UBE2E3: variants seen among roughly 807,000 people sequenced by gnomAD.
The protein encoded by UBE2E3 is ubiquitin-conjugating enzyme E2 E3.
UBE2E3 carries 5 observed loss-of-function variants against 23.6 expected under a neutral mutation model. The observed-to-expected ratio is 0.21, with a 90% CI of 0.11 to 0.44. The LOEUF (loss-of-function observed/expected upper bound fraction) is 0.44. UBE2E3 is among the 20% of genes least tolerant of loss of function. The probability of loss-of-function intolerance (pLI) is 0.99; values close to 1 mark genes in which losing one functional copy is unlikely to be tolerated. For missense variants in UBE2E3, 81 were observed against 249.8 expected, an observed-to-expected ratio of 0.32 and a Z score of 4.55; for synonymous variants, 78 against 87.5, an observed-to-expected ratio of 0.89 and a Z score of 0.60.
At chr2:181,009,525 GGCTTTATTTATACTA>G (rs1243899864) in intron 3 of UBE2E3, among the ~76,000 whole-genome samples, 9 of 90,002 alleles carry the variant, frequency 1.0e-4, no homozygotes, top group African/African-American at 3.1e-4. Flanking sequence ...ATTTATACTA[GGCTTTATTTATACTA>G]GGCTTTATTA....
intron 3 of UBE2E3, among the ~76,000 whole-genome samples, chr2:180,994,041 A>G (rs1242449157): frequency 1.3e-5 from 2 of 152,188 alleles, no homozygotes; most frequent in Non-Finnish European, 2.9e-5. Flanking sequence ...TGTAATTTAT[A>G]TGGAATTCAA....
chr2:180,997,003 C>G (rs1684840666), intron 3 of UBE2E3, among the ~76,000 whole-genome samples: 2 of 151,932 alleles, frequency 1.3e-5, no homozygotes, highest in Admixed American at 6.6e-5. Context: ...ATATGTGACT[C>G]TGTGTATCCC....
chr2:181,002,111 T>C (rs1222211735), intron 3 of UBE2E3, among the ~76,000 whole-genome samples: 2 of 152,156 alleles, frequency 1.3e-5, no homozygotes, highest in East Asian at 3.9e-4. Context: ...ACCTAGCATT[T>C]GCTGGCAAAT....
intron 3 of UBE2E3, among the ~76,000 whole-genome samples, chr2:181,016,573 C>G (rs1685498245): frequency 6.6e-6 from 1 of 152,122 alleles, no homozygotes; most frequent in African/African-American, 2.4e-5. Context: ...TGACAATTAC[C>G]TGGCTTATAA....
At chr2:181,018,188 AAC>A (rs973320900) in intron 3 of UBE2E3, among the ~76,000 whole-genome samples, 73 of 152,180 alleles carry the variant, frequency 4.8e-4, no homozygotes, top group African/African-American at 1.6e-3. Flanking sequence ...GTATAATAAA[AAC>A]AGTTATACTC....
At chr2:180,999,438 C>T (rs1422299838) in intron 3 of UBE2E3, among the ~76,000 whole-genome samples, 1 of 152,092 alleles carries the variant, frequency 6.6e-6, no homozygotes, top group East Asian at 1.9e-4. Flanking sequence ...GGTTTTATTT[C>T]TTCACTGTAT....
intron 3 of UBE2E3, among the ~76,000 whole-genome samples, chr2:181,055,076 A>G (rs1450712688): frequency 1.3e-5 from 2 of 151,678 alleles, no homozygotes; most frequent in South Asian, 2.1e-4. Flanking sequence ...GTGACTTTGG[A>G]TAAGAGCTGT....
chr2:181,049,475 T>C (rs928179072), intron 3 of UBE2E3, among the ~76,000 whole-genome samples: 11 of 152,098 alleles, frequency 7.2e-5, no homozygotes, highest in African/African-American at 2.7e-4. Context: ...TTTATATAAG[T>C]GTACAGTACT....
intron 3 of UBE2E3, among the ~76,000 whole-genome samples, chr2:180,992,034 A>G (rs910710218): frequency 1.3e-5 from 2 of 152,002 alleles, no homozygotes; most frequent in African/African-American, 2.4e-5. Flanking sequence ...ATTACTTACT[A>G]CTCATGATGA....
At chr2:181,049,084 G>T (rs1340084564) in intron 3 of UBE2E3, among the ~76,000 whole-genome samples, 2 of 152,058 alleles carry the variant, frequency 1.3e-5, no homozygotes, top group African/African-American at 4.8e-5. Context: ...TCAGCTGAGG[G>T]AGTAAAGAAG....
At chr2:181,026,131 G>A (rs75937759) in intron 3 of UBE2E3, among the ~76,000 whole-genome samples, 2 of 151,798 alleles carry the variant, frequency 1.3e-5, no homozygotes, top group East Asian at 3.8e-4. Flanking sequence ...TACTTAAATA[G>A]TTTTAAACAG....
At chr2:181,010,244 A>G (rs1685279460) in intron 3 of UBE2E3, among the ~76,000 whole-genome samples, 1 of 152,164 alleles carries the variant, frequency 6.6e-6, no homozygotes, top group Non-Finnish European at 1.5e-5. Context: ...ATTCAGATAA[A>G]TCAGTAGGCT....
chr2:180,997,759 G>T (rs1383952762), intron 3 of UBE2E3, among the ~76,000 whole-genome samples: 1 of 151,958 alleles, frequency 6.6e-6, no homozygotes, highest in Non-Finnish European at 1.5e-5. Context: ...GTAAAAGTTG[G>T]GTTTTCTAGA....
intron 3 of UBE2E3, chr2:180,987,352 C>A (rs1293915070): frequency 1.3e-6 from 2 of 1,549,918 alleles, no homozygotes; most frequent in East Asian, 2.4e-5. Context: ...TGTCCTTGTC[C>A]TCTCCTAGTC....
At chr2:180,989,624 A>G (rs532493695) in intron 3 of UBE2E3, among the ~76,000 whole-genome samples, 1 of 152,294 alleles carries the variant, frequency 6.6e-6, no homozygotes, top group East Asian at 1.9e-4. Context: ...GACTGGAAAC[A>G]TTTTCCAAAA....
At chr2:181,043,981 C>T (rs1193145904) in intron 3 of UBE2E3, among the ~76,000 whole-genome samples, 3 of 152,238 alleles carry the variant, frequency 2.0e-5, no homozygotes, top group Non-Finnish European at 1.5e-5. Flanking sequence ...CCTTCTTTTA[C>T]AAAAACTTTT....
At chr2:180,989,352 A>C (rs1314316550) in intron 3 of UBE2E3, among the ~76,000 whole-genome samples, 1 of 152,160 alleles carries the variant, frequency 6.6e-6, no homozygotes, top group African/African-American at 2.4e-5. Flanking sequence ...TTGCATGTGA[A>C]GGTCTGTTAA....
intron 2 of UBE2E3, among the ~76,000 whole-genome samples, chr2:180,983,023 A>G (rs896369658): frequency 3.3e-5 from 5 of 152,206 alleles, no homozygotes; most frequent in South Asian, 4.1e-4. Flanking sequence ...ATGGAGAAAA[A>G]AAGATTCTGT....
At chr2:181,006,218 C>G (rs1192440402) in intron 3 of UBE2E3, among the ~76,000 whole-genome samples, 1 of 152,056 alleles carries the variant, frequency 6.6e-6, no homozygotes, top group African/African-American at 2.4e-5. Flanking sequence ...TAGAATTGAG[C>G]ACAAATAGTA....
Sources: allele counts gnomAD v4.1 joint callset (sites outside exome capture counted in the v4.1 genomes callset), GRCh38; gene constraint gnomAD v4.1.1; transcripts MANE v1.5; gene names NCBI Gene and HGNC (gene_info 2026-07-23, HGNC 2026-07-21).